The following RBL1 variants were observed in gnomAD, a reference collection of about 807,000 sequenced individuals.
RBL1 encodes RB transcriptional corepressor like 1.
A neutral mutation model predicts 123.0 loss-of-function variants in RBL1; 82 were observed. The observed-to-expected ratio is 0.67, with a 90% CI of 0.56 to 0.80. The LOEUF (loss-of-function observed/expected upper bound fraction) is 0.80. RBL1 is among the 30% of genes least tolerant of loss of function. The probability of loss-of-function intolerance (pLI) is 0.00; values close to 1 mark genes in which losing one functional copy is unlikely to be tolerated. For missense variants in RBL1, 1,171 were observed against 1,299.6 expected (o/e 0.90, Z 1.52); for synonymous variants, 405 against 441.3 (o/e 0.92, Z 1.03).
At chr20:37,086,814 C>G (rs2065554011) in intron 2 of RBL1, among the ~76,000 whole-genome samples, 1 of 152,098 alleles carries the variant, frequency 6.6e-6, no homozygotes, top group South Asian at 2.1e-4. Flanking sequence ...CATAGAGTAG[C>G]TGCAAGGTGA....
At chr20:37,091,985 G>GT (rs1249423260) in intron 1 of RBL1, among the ~76,000 whole-genome samples, 1 of 152,150 alleles carries the variant, frequency 6.6e-6, no homozygotes, top group Admixed American at 6.6e-5. Flanking sequence ...GCTTACGCAT[G>GT]TAATTCCAGC....
intron 18 of RBL1, among the ~76,000 whole-genome samples, chr20:37,020,213 C>T (rs777819447): frequency 5.9e-5 from 9 of 151,704 alleles, no homozygotes; most frequent in Admixed American, 1.3e-4. Context: ...CTCAGCCTCC[C>T]GAGTAGCAGG....
At chr20:37,042,112 G>C (rs561099465) in intron 13 of RBL1, among the ~76,000 whole-genome samples, 24 of 144,936 alleles carry the variant, frequency 1.7e-4, no homozygotes, top group African/African-American at 5.5e-4. Flanking sequence ...AGACAACCTA[G>C]AAAATGGGAG....
chr20:37,065,990 G>A (rs1357197009), intron 6 of RBL1, among the ~76,000 whole-genome samples: 1 of 152,110 alleles, frequency 6.6e-6, no homozygotes, highest in African/African-American at 2.4e-5. Flanking sequence ...ATAGATATCT[G>A]AGGAACACAA....
intron 19 of RBL1, among the ~76,000 whole-genome samples, chr20:37,012,496 G>A (rs2064171246): frequency 6.7e-6 from 1 of 150,228 alleles, no homozygotes; most frequent in Non-Finnish European, 1.5e-5. Context: ...CTGAGATGTG[G>A]GGAGCGCCTC....
At chr20:37,064,818 C>A (rs528461860) in intron 7 of RBL1, among the ~76,000 whole-genome samples, 1 of 152,136 alleles carries the variant, frequency 6.6e-6, no homozygotes, top group Admixed American at 6.5e-5. Flanking sequence ...CCATGTTGGC[C>A]AGGCTGATCT....
chr20:37,029,902 T>C (rs1310712699), intron 16 of RBL1, among the ~76,000 whole-genome samples: 1 of 151,328 alleles, frequency 6.6e-6, no homozygotes, highest in African/African-American at 2.5e-5. Context: ...GCAAAAGACA[T>C]ATACAGAAAA....
rs566503125 is a variant in RBL1 at position 37,079,317 on chromosome 20, C to A, written c.290+9672G>T. On this transcript the variant is annotated intron_variant, in intron 2 of 21. Transcript: ENST00000373664. Reference sequence around the variant, plus strand: ...TTTTTGTTATCAAGTTTCCCAAGATCTAAACCAGCTGTTTAGCCAATCTTT... The same window carrying A: ...TTTTTGTTATCAAGTTTCCCAAGATATAAACCAGCTGTTTAGCCAATCTTT... 2.9e-3 allele frequency among the ~76,000 whole-genome samples: 440 copies of A among 151,764 alleles called. 2 individuals carry two copies. The highest frequency in any genetic ancestry group is 0.01 in the African/African-American group (414 of 41,384).
At chr20:37,087,432 A>C (rs1050770889) in intron 2 of RBL1, among the ~76,000 whole-genome samples, 1 of 151,896 alleles carries the variant, frequency 6.6e-6, no homozygotes, top group Admixed American at 6.6e-5. Context: ...AAAAGATTTA[A>C]AAATATCAGT....
intron 21 of RBL1, among the ~76,000 whole-genome samples, chr20:37,000,769 CG>C (rs557315083): frequency 4.8e-5 from 4 of 83,790 alleles, no homozygotes; most frequent in Non-Finnish European, 7.1e-5. Context: ...AGGAGGGAGG[CG>C]GGGGGGTCAG....
At chr20:37,046,020 G>A (rs2064814034) in intron 12 of RBL1, among the ~76,000 whole-genome samples, 1 of 152,192 alleles carries the variant, frequency 6.6e-6, no homozygotes, top group Non-Finnish European at 1.5e-5. Context: ...TATTGAGGGT[G>A]ATGATGTAGT....
Position 37,062,645 on chromosome 20 carries a change from CAAAAAAAAAAA to C in RBL1, c.897-386_897-376del, listed in dbSNP as rs60370479. On this transcript the variant is annotated intron_variant, in intron 7 of 21. Coordinates refer to ENST00000373664, the MANE Select transcript of RBL1 (RefSeq NM_002895.5). ...CTGGCAACAGAACAAGACTCTGTCT[CAAAAAAAAAAA>C]AAAAAAAAAAAAAAATGGGCCAGGC... Among the ~76,000 whole-genome samples the C allele has an allele frequency of 2.2e-4, 9 of 40,092 alleles. No homozygotes were observed. In the East Asian group the frequency reaches 2.8e-3, roughly 13 times the overall value. 26.3% of individuals were successfully genotyped at this position (40,092 alleles called of 152,430 possible).
chr20:37,060,903 T>C (rs893525154), intron 9 of RBL1, among the ~76,000 whole-genome samples, 200 bp downstream of exon 9: 1 of 152,224 alleles, frequency 6.6e-6, no homozygotes, highest in Non-Finnish European at 1.5e-5. Flanking sequence ...TGTGTGCCAC[T>C]GTGCCTGACT....
rs926744137 is a variant in RBL1 at position 36,997,821 on chromosome 20, G to C, written c.*938C>G. On this transcript the variant is annotated 3_prime_UTR_variant, in exon 22 of 22. Transcript: ENST00000373664. ...GAAAGTGCCCCATTTATTGGGTTGT[G>C]ACATCAGGCTGAGATGGCTTAGGGC... 1 of 152,136 alleles carries C rather than the reference G, an allele frequency of 6.6e-6. No individual in the cohort carries two copies. Among genetic ancestry groups the C allele is most frequent in the African/African-American group, 2.4e-5 (1 of 41,428 alleles). The allele number at this position is 152,136 out of a possible 1,614,324, so 9.4% of individuals were successfully genotyped here. A position where few individuals can be genotyped will look rare whatever the true frequency, so the allele number is the denominator to read the frequency against.
At chr20:37,006,394 T>C (rs576585008) in intron 20 of RBL1, among the ~76,000 whole-genome samples, 1 of 149,420 alleles carries the variant, frequency 6.7e-6, no homozygotes, top group African/African-American at 2.5e-5. Context: ...GATTTCACCA[T>C]GTTGGCCAGG....
intron 17 of RBL1, chr20:37,021,741 C>G (rs1353418523): frequency 5.8e-6 from 1 of 173,240 alleles, no homozygotes; most frequent in Non-Finnish European, 1.3e-5. Context: ...GCGCCCGGCC[C>G]TTCAGGTTGA....
intron 2 of RBL1, among the ~76,000 whole-genome samples, chr20:37,075,945 G>C (rs911672466): frequency 6.6e-6 from 1 of 152,176 alleles, no homozygotes; most frequent in South Asian, 2.1e-4. Flanking sequence ...TAAGTAATAT[G>C]CACAAGCACA....
chr20:37,009,884 G>T (rs1338276867), intron 19 of RBL1, among the ~76,000 whole-genome samples: 2 of 151,960 alleles, frequency 1.3e-5, no homozygotes, highest in Non-Finnish European at 2.9e-5. Flanking sequence ...TAAAAACTAG[G>T]TGTGGTGGCA....
At position 37,022,930 on chromosome 20, in the gene RBL1, A is replaced by G. The variant is rs8124333; in HGVS notation, c.2383-104T>C. 590 of 851,258 alleles carry G rather than the reference A, an allele frequency of 6.9e-4. 2 individuals are homozygous for G. In the African/African-American group the frequency reaches 9.1e-3, roughly 13 times the overall value. 52.7% of individuals were successfully genotyped at this position (851,258 alleles called of 1,614,324 possible). On this transcript the variant is annotated intron_variant, in intron 16 of 21. Transcript: ENST00000373664. The stretch of plus-strand genomic sequence containing the variant: ...ATTAAAAAACATAGGCTGTTGATAT[A>G]CTAAATTAAATAAAATTTCTGTTCT...
Sources: allele counts gnomAD v4.1 joint callset (sites outside exome capture counted in the v4.1 genomes callset), GRCh38; gene constraint gnomAD v4.1.1; transcripts MANE v1.5; gene names NCBI Gene and HGNC (gene_info 2026-07-23, HGNC 2026-07-21).